TMPRSS15: variants seen among roughly 807,000 people sequenced by gnomAD.
The protein encoded by TMPRSS15 is enteropeptidase.
A neutral mutation model predicts 125.3 loss-of-function variants in TMPRSS15; 128 were observed. That is an observed-to-expected ratio of 1.02 (90% confidence interval 0.89 to 1.18). The LOEUF (loss-of-function observed/expected upper bound fraction) is 1.18. Among genes scored for constraint, TMPRSS15 ranks in the 50% most tolerant of loss-of-function variants. The pLI, the probability that TMPRSS15 is intolerant of heterozygous loss-of-function variation, is 0.00. For missense variants in TMPRSS15, 1,283 were observed against 1,212.7 expected (o/e 1.06, Z -0.86); for synonymous variants, 446 against 423.2 (o/e 1.05, Z -0.66).
At chr21:18,473,765 T>C (rs1474601909) in intron 1 of TMPRSS15, among the ~76,000 whole-genome samples, 1 of 152,132 alleles carries the variant, frequency 6.6e-6, no homozygotes, top group African/African-American at 2.4e-5. Context: ...TTTTCTTTTT[T>C]ATGTTTTTGC....
intron 1 of TMPRSS15, among the ~76,000 whole-genome samples, chr21:18,444,506 G>A (rs1262626055): frequency 2.0e-5 from 3 of 152,016 alleles, no homozygotes; most frequent in Non-Finnish European, 4.4e-5. Context: ...CTGGGGGAGG[G>A]ATAGCATTAA....
intron 4 of TMPRSS15, among the ~76,000 whole-genome samples, chr21:18,380,998 T>A (rs562588472): frequency 9.2e-5 from 14 of 152,240 alleles, no homozygotes; most frequent in Admixed American, 8.5e-4. Flanking sequence ...GAATATTTCC[T>A]TGGAACTAAG....
intron 5 of TMPRSS15, among the ~76,000 whole-genome samples, chr21:18,377,331 T>G (rs2075854419): frequency 6.6e-6 from 1 of 152,034 alleles, no homozygotes; most frequent in East Asian, 1.9e-4. Flanking sequence ...AAATTTAGGG[T>G]TTTTTATGAA....
chr21:18,317,820 A>T (rs1336455497), intron 16 of TMPRSS15, among the ~76,000 whole-genome samples: 1 of 101,478 alleles, frequency 9.9e-6, no homozygotes, highest in East Asian at 2.8e-4. Context: ...ATCCCATTCT[A>T]TCCTATCCCA....
chr21:18,338,013 T>C (rs532040545), intron 13 of TMPRSS15, among the ~76,000 whole-genome samples: 1 of 152,322 alleles, frequency 6.6e-6, no homozygotes, highest in South Asian at 2.1e-4. Flanking sequence ...TGGGTTATTC[T>C]TTCATTATAA....
intron 1 of TMPRSS15, among the ~76,000 whole-genome samples, chr21:18,423,708 G>A (rs1035286599): frequency 1.1e-4 from 17 of 151,660 alleles, no homozygotes; most frequent in Non-Finnish European, 1.5e-5. Context: ...GAGCCACCGC[G>A]CCCGGCCTAA....
At chr21:18,414,495 T>C (rs573072268) in intron 1 of TMPRSS15, among the ~76,000 whole-genome samples, 1 of 152,360 alleles carries the variant, frequency 6.6e-6, no homozygotes, top group Admixed American at 6.5e-5. Flanking sequence ...ATTTTATACA[T>C]ATCGAATTCT....
Position 18,380,904 on chromosome 21 carries a change from C to T in TMPRSS15, c.497-1586G>A, listed in dbSNP as rs116496954. On this transcript the variant is annotated intron_variant, in intron 4 of 24. Transcript: ENST00000284885. The stretch of plus-strand genomic sequence containing the variant: ...TTGAGCCAACTAATATAACATGATA[C>T]GCCACATCTTGGCATACCTAGAACC... 3.3e-3 allele frequency among the ~76,000 whole-genome samples: 506 copies of T among 152,130 alleles called. 4 individuals carry two copies. Among genetic ancestry groups the T allele is most frequent in the African/African-American group, 0.012 (480 of 41,530 alleles).
intron 1 of TMPRSS15, among the ~76,000 whole-genome samples, chr21:18,442,399 C>G (rs1162087508): frequency 6.6e-6 from 1 of 152,166 alleles, no homozygotes; most frequent in Non-Finnish European, 1.5e-5. Context: ...CAAATGTTTT[C>G]TGTACTTTTT....
chr21:18,455,741 A>G (rs1978429561), intron 1 of TMPRSS15, among the ~76,000 whole-genome samples: 1 of 152,206 alleles, frequency 6.6e-6, no homozygotes, highest in African/African-American at 2.4e-5. Context: ...AACAGTGACA[A>G]TCAGTGAGTT....
At chr21:18,330,608 G>GT (rs1958229435) in intron 14 of TMPRSS15, among the ~76,000 whole-genome samples, 1 of 152,084 alleles carries the variant, frequency 6.6e-6, no homozygotes. Context: ...CATCTATACT[G>GT]TGCTACATTT....
intron 1 of TMPRSS15, among the ~76,000 whole-genome samples, chr21:18,466,886 T>C (rs1275817851): frequency 6.6e-6 from 1 of 152,198 alleles, no homozygotes; most frequent in Non-Finnish European, 1.5e-5. Flanking sequence ...AAATACCATT[T>C]GACCCAGCAA....
chr21:18,313,040 T>G lies in TMPRSS15; in HGVS notation c.2070A>C (p.Leu690Phe), dbSNP rs1340123186. Residue 690 changes from leucine to phenylalanine, a missense_variant, in exon 18 of 25, where the codon TTA becomes TTC. Coordinates refer to ENST00000284885, the MANE Select transcript of TMPRSS15 (RefSeq NM_002772.3). Reference protein sequence around the residue: ...FFNGTTNNNGLVRFRIQSIWH... With the variant: ...FFNGTTNNNGFVRFRIQSIWH... The stretch of plus-strand genomic sequence containing the variant: ...ATATGCTCTGGATTCTGAACCGCAC[T>G]AAACCATTGTTGTTCGTTGTGCCAT... 4.3e-6 allele frequency: 7 copies of G among 1,614,040 alleles called. No individual in the cohort carries two copies. In the South Asian group the frequency reaches 7.7e-5, roughly 18 times the overall value.
At chr21:18,370,633 C>A (rs1043018073) in intron 6 of TMPRSS15, among the ~76,000 whole-genome samples, 2 of 152,236 alleles carry the variant, frequency 1.3e-5, no homozygotes, top group Middle Eastern at 6.8e-3. Context: ...TATTCCGCAG[C>A]CTGCACTTTC....
At chr21:18,437,761 C>T (rs112011661) in intron 1 of TMPRSS15, among the ~76,000 whole-genome samples, 11 of 152,144 alleles carry the variant, frequency 7.2e-5, no homozygotes, top group Non-Finnish European at 1.5e-4. Context: ...AAATGCGAAT[C>T]AAAACCACAA....
chr21:18,461,472 TA>T lies in TMPRSS15; in HGVS notation c.10+24326del, dbSNP rs201029607. Among the ~76,000 whole-genome samples, 688 of 150,114 alleles carry T rather than the reference TA, an allele frequency of 4.6e-3. 2 individuals carry two copies. The highest frequency in any genetic ancestry group is 0.01 in the African/African-American group (413 of 41,016). On this transcript the variant is annotated intron_variant, in intron 1 of 7. Coordinates refer to the TMPRSS15 transcript ENST00000422787. ...AGTAACAACTTAATAAAGCAGGATT[TA>T]AAAAAAAAATAAATGCACTGTATGA... is the stretch of plus-strand genomic sequence containing the variant.
intron 15 of TMPRSS15, among the ~76,000 whole-genome samples, chr21:18,327,958 C>T (rs966297362): frequency 6.6e-5 from 10 of 152,028 alleles, no homozygotes; most frequent in African/African-American, 2.4e-4. Flanking sequence ...GAGGCTGAGG[C>T]AGGAGGATCG....
intron 1 of TMPRSS15, among the ~76,000 whole-genome samples, chr21:18,439,818 A>G (rs1010931485): frequency 2.0e-5 from 3 of 152,218 alleles, no homozygotes; most frequent in African/African-American, 7.2e-5. Context: ...ATTGAAATGT[A>G]AAATATTTTT....
intron 1 of TMPRSS15, among the ~76,000 whole-genome samples, chr21:18,434,556 A>T (rs2076223799): frequency 6.6e-6 from 1 of 152,088 alleles, no homozygotes; most frequent in South Asian, 2.1e-4. Flanking sequence ...ACAGTCATAA[A>T]TCTGGTGTAT....
Sources: gnomAD v4.1 joint callset for allele counts (sites outside exome capture counted in the v4.1 genomes callset) on GRCh38, gnomAD v4.1.1 for gene constraint, MANE v1.5 for transcripts, NCBI Gene and HGNC (gene_info 2026-07-23, HGNC 2026-07-21) for gene names.